DIP2A: variants seen among roughly 807,000 people sequenced by gnomAD.
DIP2A encodes the protein disco-interacting protein 2 homolog A.
In DIP2A, 85 loss-of-function variants were observed where a neutral mutation model predicts 177.4. The ratio of observed to expected loss-of-function variants is 0.48; its 90% CI spans 0.40 to 0.57. DIP2A has a LOEUF of 0.57. DIP2A is among the 20% of genes least tolerant of loss of function. The probability of loss-of-function intolerance (pLI) is 0.00; values close to 1 mark genes in which losing one functional copy is unlikely to be tolerated. For missense variants in DIP2A, 1,791 were observed against 2,100.2 expected, an observed-to-expected ratio of 0.85 and a Z score of 2.88; for synonymous variants, 886 against 881.8, an observed-to-expected ratio of 1.00 and a Z score of -0.08.
intron 8 of DIP2A, among the ~76,000 whole-genome samples, chr21:46,514,643 T>TTTTTTTTG (rs2058485889): frequency 1.3e-5 from 1 of 79,896 alleles, no homozygotes; most frequent in Non-Finnish European, 2.7e-5. Flanking sequence ...TTTTTTTTGG[T>TTTTTTTTG]TTTTTTTTTT....
intron 1 of DIP2A, among the ~76,000 whole-genome samples, chr21:46,461,730 C>T (rs920642457): frequency 1.3e-5 from 2 of 152,028 alleles, no homozygotes; most frequent in South Asian, 4.2e-4. Flanking sequence ...AGAGGAACCT[C>T]GAAAAATAGC....
the DIP2A span, among the ~76,000 whole-genome samples, chr21:46,576,706 T>C: frequency 6.6e-6 from 1 of 152,328 alleles, no homozygotes; most frequent in East Asian, 1.9e-4. Flanking sequence ...CCACACTGTC[T>C]TCCACAATGA....
chr21:46,542,250 C>G (rs1403605900), intron 18 of DIP2A, among the ~76,000 whole-genome samples: 2 of 152,190 alleles, frequency 1.3e-5, no homozygotes, highest in Non-Finnish European at 2.9e-5. Context: ...TGTATATGGC[C>G]TATGCAACTC....
At chr21:46,469,994 A>G (rs1224393053) in intron 1 of DIP2A, among the ~76,000 whole-genome samples, 1 of 152,234 alleles carries the variant, frequency 6.6e-6, no homozygotes, top group Non-Finnish European at 1.5e-5. Context: ...CACATATTTA[A>G]TCTTTTAATG....
At chr21:46,582,699 A>C in the DIP2A span, among the ~76,000 whole-genome samples, 15 of 148,644 alleles carry the variant, frequency 1.0e-4, no homozygotes, top group East Asian at 1.6e-3. Flanking sequence ...GGATTCACTC[A>C]CCATTTTCAT....
chr21:46,524,810 G>A (rs796524039), intron 8 of DIP2A, among the ~76,000 whole-genome samples: 6 of 150,162 alleles, frequency 4.0e-5, no homozygotes, highest in African/African-American at 1.5e-4. Flanking sequence ...TCCACTAATG[G>A]TAGCTTAGTG....
chr21:46,565,248 G>A (rs750882864), intron 35 of DIP2A, among the ~76,000 whole-genome samples: 2 of 152,222 alleles, frequency 1.3e-5, no homozygotes, highest in East Asian at 1.9e-4. Context: ...ACACACACGC[G>A]CGTGGGGCTG....
At chr21:46,554,326 C>G in intron 26 of DIP2A, 34 bp downstream of exon 26, 1 of 1,610,806 alleles carries the variant, frequency 6.2e-7, no homozygotes, top group Non-Finnish European at 8.5e-7. Flanking sequence ...ACCTGCAGCT[C>G]TTTGTAAGCA....
Position 46,494,200 on chromosome 21 carries a change from G to A in DIP2A, c.284-2788G>A, listed in dbSNP as rs142475300. Among the ~76,000 whole-genome samples the A allele has an allele frequency of 5.3e-5, 8 of 152,304 alleles. No individual in the cohort carries two copies. In the East Asian group the frequency reaches 5.8e-4, roughly 11 times the overall value. On this transcript the variant is annotated intron_variant, in intron 3 of 37. Coordinates refer to ENST00000417564, the MANE Select transcript of DIP2A (RefSeq NM_015151.4). ...AAGGAACAAGTTTATTTGGACCCAG[G>A]ATTCAAATAAGAGCTACACATTGCA...
At position 46,458,980 on chromosome 21, in the gene DIP2A, G is replaced by A. The variant is rs935521525; in HGVS notation, c.-152G>A. On this transcript the variant is annotated 5_prime_UTR_variant, in exon 1 of 38. Coordinates refer to ENST00000417564, the MANE Select transcript of DIP2A (RefSeq NM_015151.4). ...CTCGTGCCCGCGCGGGTGCGTTGCT[G>A]TCCTGGCCGCGCCCCTGTCCCGCCG... The A allele has an allele frequency of 2.6e-5, 15 of 569,194 alleles. No homozygotes were observed. Among genetic ancestry groups the A allele is most frequent in the African/African-American group, 4.0e-5 (2 of 50,314 alleles). The allele number at this position is 569,194 out of a possible 1,614,324, so 35.3% of individuals were successfully genotyped here. A position where few individuals can be genotyped will look rare whatever the true frequency, so the allele number is the denominator to read the frequency against.
At chr21:46,475,656 C>T (rs527929421) in intron 1 of DIP2A, among the ~76,000 whole-genome samples, 2 of 152,192 alleles carry the variant, frequency 1.3e-5, no homozygotes, top group Non-Finnish European at 2.9e-5. Context: ...TTGTGTGAGT[C>T]ATGATATATG....
At chr21:46,538,709 CAT>C (rs1206789215) in intron 16 of DIP2A, 107 bp downstream of exon 16, 3 of 1,420,472 alleles carry the variant, frequency 2.1e-6, no homozygotes, top group Non-Finnish European at 2.8e-6. Context: ...CTGCCATTGT[CAT>C]ATAGATACAC....
At chr21:46,510,046 G>A (rs1601589339) in intron 7 of DIP2A, among the ~76,000 whole-genome samples, 1 of 152,186 alleles carries the variant, frequency 6.6e-6, no homozygotes, top group Non-Finnish European at 1.5e-5. Context: ...GGAACTAATA[G>A]GATAGATGTA....
downstream of DIP2A, among the ~76,000 whole-genome samples, chr21:46,572,662 A>G (rs1793737906): frequency 6.6e-6 from 1 of 152,160 alleles, no homozygotes; most frequent in African/African-American, 2.4e-5. Context: ...CCTACCAGCA[A>G]GAAGACCCTG....
intron 13 of DIP2A, among the ~76,000 whole-genome samples, chr21:46,536,464 A>G (rs1460037387): frequency 6.6e-6 from 1 of 152,228 alleles, no homozygotes; most frequent in African/African-American, 2.4e-5. Context: ...ACCAGCTCTT[A>G]CAGAGGGGAG....
At chr21:46,528,392 A>T (rs2148731000) in intron 8 of DIP2A, among the ~76,000 whole-genome samples, 1 of 152,130 alleles carries the variant, frequency 6.6e-6, no homozygotes, top group African/African-American at 2.4e-5. Context: ...ATATTAATTT[A>T]AAAAGTAGGG....
At chr21:46,493,300 A>G (rs1399631916) in intron 3 of DIP2A, among the ~76,000 whole-genome samples, 1 of 152,104 alleles carries the variant, frequency 6.6e-6, no homozygotes, top group Non-Finnish European at 1.5e-5. Context: ...TTTTAGTTCT[A>G]GGTTGTTTTT....
chr21:46,486,480 C>T (rs528590725), intron 2 of DIP2A, among the ~76,000 whole-genome samples: 1 of 152,306 alleles, frequency 6.6e-6, no homozygotes, highest in Non-Finnish European at 1.5e-5. Context: ...AGGTGTGAGC[C>T]ACCACACCTT....
chr21:46,540,079 T>G, intron 17 of DIP2A, 88 bp downstream of exon 17: 2 of 1,185,378 alleles, frequency 1.7e-6, no homozygotes, highest in South Asian at 2.6e-5. Context: ...CCTGTGCCTG[T>G]TAGGATCCAG....
Sources: gnomAD v4.1 joint callset for allele counts (sites outside exome capture counted in the v4.1 genomes callset) on GRCh38, gnomAD v4.1.1 for gene constraint, MANE v1.5 for transcripts, NCBI Gene and HGNC (gene_info 2026-07-23, HGNC 2026-07-21) for gene names.